PIK3C2G: variants seen among roughly 807,000 people sequenced by gnomAD.
The protein encoded by PIK3C2G is phosphatidylinositol-4-phosphate 3-kinase catalytic subunit type 2 gamma.
In PIK3C2G, 168 loss-of-function variants were observed where a neutral mutation model predicts 181.1. The observed-to-expected ratio is 0.93, with a 90% CI of 0.82 to 1.05. The LOEUF is 1.05. Ranked by LOEUF, PIK3C2G falls within the 50% of genes least tolerant of loss-of-function variation. PIK3C2G has a pLI of 0.00. For synonymous variants in PIK3C2G, 573 were observed against 592.2 expected, an observed-to-expected ratio of 0.97 and a Z score of 0.47; for missense variants, 1,869 against 1,732.8, an observed-to-expected ratio of 1.08 and a Z score of -1.40.
the PIK3C2G span, among the ~76,000 whole-genome samples, chr12:18,682,698 G>A: frequency 3.3e-5 from 5 of 151,982 alleles, no homozygotes; most frequent in East Asian, 3.9e-4. Context: ...ATACACACTC[G>A]TAAAAATGGC....
At chr12:18,664,310 T>C in the PIK3C2G span, among the ~76,000 whole-genome samples, 34 of 152,230 alleles carry the variant, frequency 2.2e-4, no homozygotes, top group Non-Finnish European at 4.3e-4. Flanking sequence ...CTTCTGAAAA[T>C]ATATTTGTAC....
intron 18 of PIK3C2G, among the ~76,000 whole-genome samples, chr12:18,476,775 G>A (rs1485435634): frequency 1.3e-5 from 2 of 151,930 alleles, no homozygotes; most frequent in East Asian, 3.9e-4. Context: ...AGCAGGTATT[G>A]GGGAGAATGA....
At chr12:18,517,620 A>G (rs1942636980) in intron 24 of PIK3C2G, among the ~76,000 whole-genome samples, 1 of 152,150 alleles carries the variant, frequency 6.6e-6, no homozygotes, top group Admixed American at 6.5e-5. Context: ...TATCAGCTTA[A>G]GGAGTTTTGG....
chr12:18,356,390 G>C (rs1394578398), intron 11 of PIK3C2G, among the ~76,000 whole-genome samples: 1 of 152,152 alleles, frequency 6.6e-6, no homozygotes, highest in Non-Finnish European at 1.5e-5. Flanking sequence ...GTACGGGCCA[G>C]GACAAGTGCT....
intron 31 of PIK3C2G, among the ~76,000 whole-genome samples, chr12:18,614,026 AT>A (rs1374936907): frequency 2.6e-5 from 4 of 152,060 alleles, no homozygotes; most frequent in Admixed American, 1.3e-4. Context: ...GATAGTCTTA[AT>A]TTTTTGTTGT....
intron 16 of PIK3C2G, among the ~76,000 whole-genome samples, chr12:18,417,359 G>A (rs1385373231): frequency 6.6e-6 from 1 of 152,158 alleles, no homozygotes; most frequent in Non-Finnish European, 1.5e-5. Context: ...AGAAAGCAGT[G>A]GCAGGGCTTG....
At chr12:18,309,196 T>C (rs1950542174) in intron 5 of PIK3C2G, among the ~76,000 whole-genome samples, 1 of 151,810 alleles carries the variant, frequency 6.6e-6, no homozygotes, top group African/African-American at 2.4e-5. Flanking sequence ...TCTTGCCCTA[T>C]TGATAAATCT....
chr12:18,575,381 A>G (rs1946184584), intron 29 of PIK3C2G, among the ~76,000 whole-genome samples: 1 of 152,166 alleles, frequency 6.6e-6, no homozygotes, highest in Non-Finnish European at 1.5e-5. Context: ...AATACATGGT[A>G]GTATTTGAGA....
chr12:18,335,059 C>T (rs888613520), intron 8 of PIK3C2G, among the ~76,000 whole-genome samples: 1 of 152,048 alleles, frequency 6.6e-6, no homozygotes, highest in Admixed American at 6.6e-5. Context: ...GGGTTCAGTT[C>T]CTCACATAAT....
rs184304734 is a variant in PIK3C2G, at chr12:18,613,703, C to T, written c.4182+4074C>T. ...TCTCTTTCATTTCTAGACTTCTTTC[C>T]TCTCTCCTGCTGCATAATATGAGCA... On this transcript the variant is annotated intron_variant, in intron 31 of 32. Transcript: ENST00000538779. 1.1e-4 allele frequency among the ~76,000 whole-genome samples: 17 copies of T among 152,136 alleles called. No individual in the cohort carries two copies. The East Asian group carries it at 3.3e-3, about 30-fold the overall frequency.
At chr12:18,664,825 C>T in the PIK3C2G span, among the ~76,000 whole-genome samples, 885 of 151,104 alleles carry the variant, frequency 5.9e-3, 8 homozygotes, top group Middle Eastern at 6.8e-3. Flanking sequence ...TACTATGCAG[C>T]CACAAAAAAT....
chr12:18,697,142 C>T, the PIK3C2G span, among the ~76,000 whole-genome samples: 12 of 152,196 alleles, frequency 7.9e-5, no homozygotes, highest in African/African-American at 2.6e-4. Flanking sequence ...TTTCTGCAAC[C>T]ATTCCTGCTG....
chr12:18,469,536 T>G (rs1397723487), intron 18 of PIK3C2G, among the ~76,000 whole-genome samples: 4 of 152,116 alleles, frequency 2.6e-5, no homozygotes, highest in Non-Finnish European at 5.9e-5. Flanking sequence ...TAGTTGAAGT[T>G]TATTTAAACT....
Position 18,424,059 on chromosome 12 carries a change from G to T in PIK3C2G, c.2504+20G>T. On this transcript the variant is annotated intron_variant, in intron 18 of 32. Coordinates refer to ENST00000538779, the MANE Select transcript of PIK3C2G (RefSeq NM_001288772.2). ...TTACTGGTAAGATTAACTAAATCAG[G>T]CAAGGATGCCTTTTTAATTGCCACC... The T allele has an allele frequency of 1.3e-6, 2 of 1,493,968 alleles. No homozygotes were observed. Among genetic ancestry groups the T allele is most frequent in the Non-Finnish European group, 9.3e-7 (1 of 1,076,604 alleles). The allele number at this position is 1,493,968 out of a possible 1,614,324, so 92.5% of individuals were successfully genotyped here. A position where few individuals can be genotyped will look rare whatever the true frequency, so the allele number is the denominator to read the frequency against.
rs1945853258 is a variant in PIK3C2G, at chr12:18,426,992, G to C, written c.2504+2953G>C. Among the ~76,000 whole-genome samples, 5 of 152,120 alleles carry C rather than the reference G, an allele frequency of 3.3e-5. No homozygotes were observed. The South Asian group carries it at 1.0e-3, about 32-fold the overall frequency. On this transcript the variant is annotated intron_variant, in intron 18 of 32. Coordinates refer to ENST00000538779, the MANE Select transcript of PIK3C2G (RefSeq NM_001288772.2). ...TTCAGTTTTTCAGAAAGCTACTTTG[G>C]GGCAAAGGAAAGTTAAGTGGATACA...
intron 1 of PIK3C2G, among the ~76,000 whole-genome samples, chr12:18,277,381 A>G (rs947360232): frequency 6.6e-6 from 1 of 152,140 alleles, no homozygotes; most frequent in Non-Finnish European, 1.5e-5. Flanking sequence ...GAGCCCTCTC[A>G]GTAACCAGGT....
chr12:18,570,356 C>T (rs557269399), intron 29 of PIK3C2G, among the ~76,000 whole-genome samples: 3 of 141,556 alleles, frequency 2.1e-5, no homozygotes, highest in East Asian at 3.9e-4. Flanking sequence ...TTACAGGCGC[C>T]CACCACCACA....
chr12:18,630,312 A>G (rs1949296626), intron 31 of PIK3C2G, among the ~76,000 whole-genome samples: 1 of 152,126 alleles, frequency 6.6e-6, no homozygotes, highest in Admixed American at 6.6e-5. Context: ...GAATCACTCA[A>G]ACCTGGGAGA....
intron 6 of PIK3C2G, among the ~76,000 whole-genome samples, chr12:18,320,608 A>G (rs1202760821): frequency 6.6e-6 from 1 of 152,210 alleles, no homozygotes; most frequent in African/African-American, 2.4e-5. Context: ...CTGCCATGGC[A>G]CTCATGGCCT....
Sources: gnomAD v4.1 joint callset for allele counts (sites outside exome capture counted in the v4.1 genomes callset) on GRCh38, gnomAD v4.1.1 for gene constraint, MANE v1.5 for transcripts, NCBI Gene and HGNC (gene_info 2026-07-23, HGNC 2026-07-21) for gene names.